The following PYY variants were observed in gnomAD, a reference collection of about 807,000 sequenced individuals.
PYY encodes peptide YY, also known as peptide tyrosine tyrosine.
A neutral mutation model predicts 10.3 loss-of-function variants in PYY; 12 were observed. The observed-to-expected ratio is 1.17, with a 90% CI of 0.75 to 1.89. PYY has a LOEUF of 1.89. Among genes scored for constraint, PYY ranks in the 40% most tolerant of loss-of-function variants. The pLI, the probability that PYY is intolerant of heterozygous loss-of-function variation, is 0.00. For synonymous variants in PYY, 66 were observed against 62.0 expected, an observed-to-expected ratio of 1.06 and a Z score of -0.30; for missense variants, 141 against 134.0, an observed-to-expected ratio of 1.05 and a Z score of -0.26.
chr17:43,977,209 G>A (rs2048855015), intron 1 of PYY, among the ~76,000 whole-genome samples: 1 of 152,168 alleles, frequency 6.6e-6, no homozygotes, highest in South Asian at 2.1e-4. Flanking sequence ...AGGCAGGGAT[G>A]GCAATTCATT....
chr17:43,972,009 A>G (rs1296856910), intron 1 of PYY, among the ~76,000 whole-genome samples: 1 of 151,678 alleles, frequency 6.6e-6, no homozygotes, highest in Non-Finnish European at 1.5e-5. Flanking sequence ...CTTTTGAGCT[A>G]ATTTTTGTAT....
chr17:43,995,551 G>T (rs967980819), intron 1 of PYY, among the ~76,000 whole-genome samples: 14 of 152,210 alleles, frequency 9.2e-5, no homozygotes, highest in South Asian at 6.2e-4. Flanking sequence ...AAATGCAGAC[G>T]GGCCGGGCAC....
chr17:43,984,675 T>C (rs2048904949), intron 1 of PYY, among the ~76,000 whole-genome samples: 1 of 152,152 alleles, frequency 6.6e-6, no homozygotes, highest in African/African-American at 2.4e-5. Flanking sequence ...CCCCACCTCC[T>C]CCTTTACAGG....
chr17:43,999,276 G>T (rs1459275870), intron 1 of PYY, among the ~76,000 whole-genome samples: 2 of 152,100 alleles, frequency 1.3e-5, no homozygotes, highest in South Asian at 2.1e-4. Context: ...TGGTAGGGGT[G>T]GGGGAGATGG....
intron 1 of PYY, among the ~76,000 whole-genome samples, chr17:43,985,217 T>C (rs1213381417): frequency 1.3e-5 from 2 of 152,096 alleles, no homozygotes; most frequent in Non-Finnish European, 2.9e-5. Flanking sequence ...ATTTTTTTAT[T>C]TATAAATACA....
rs2048640380 is a variant in PYY at position 43,952,852 on chromosome 17, A to G, written c.*104T>C. 7.5e-7 allele frequency: 1 copy of G among 1,331,020 alleles called. No individual in the cohort carries two copies. Among genetic ancestry groups the G allele is most frequent in the Admixed American group, 2.6e-5 (1 of 37,860 alleles). The allele number at this position is 1,331,020 out of a possible 1,614,324, so 82.5% of individuals were successfully genotyped here. On this transcript the variant is annotated 3_prime_UTR_variant, in exon 4 of 4. Coordinates refer to ENST00000692052, the MANE Select transcript of PYY (RefSeq NM_001394028.1). ...GGAGGGCCGCACCCGAACCCTGCCCAGACGCCGCCGTCGGGAGGCAGAATC... is the reference window on the plus strand; with the variant it reads ...GGAGGGCCGCACCCGAACCCTGCCCGGACGCCGCCGTCGGGAGGCAGAATC...
upstream of PYY, chr17:43,958,135 CAAAAAAAAAAA>C (rs10661189): frequency 4.2e-5 from 2 of 47,276 alleles, no homozygotes; most frequent in Non-Finnish European, 7.4e-5. Context: ...CTGAATACAC[CAAAAAAAAAAA>C]AAAAAAAAAA....
At chr17:43,966,686 A>G (rs2048757506) in intron 1 of PYY, among the ~76,000 whole-genome samples, 1 of 152,168 alleles carries the variant, frequency 6.6e-6, no homozygotes, top group Non-Finnish European at 1.5e-5. Context: ...AGCACTTAGC[A>G]CTTTCTAGCA....
chr17:44,003,687 A>G (rs1470180742), intron 1 of PYY, among the ~76,000 whole-genome samples: 2 of 150,338 alleles, frequency 1.3e-5, no homozygotes, highest in East Asian at 2.0e-4. Context: ...AAAAAAAAAA[A>G]AAAGGGTTAC....
At chr17:43,964,243 T>G (rs2700831) in intron 2 of PYY, among the ~76,000 whole-genome samples, 87,078 of 152,010 alleles carry the variant, frequency 0.57, 26,334 homozygotes, top group South Asian at 0.73. Flanking sequence ...CTGGTCTAAA[T>G]TTCTTGGGCT....
At chr17:43,977,433 C>G (rs905675769) in intron 1 of PYY, among the ~76,000 whole-genome samples, 4 of 152,124 alleles carry the variant, frequency 2.6e-5, no homozygotes, top group African/African-American at 9.7e-5. Context: ...CCAGGGGCCA[C>G]TCCTGGACGC....
rs528107925 is a variant in PYY at position 43,983,060 on chromosome 17, C to G, written c.-462-16528G>C. On this transcript the variant is annotated intron_variant, in intron 1 of 6. Transcript: ENST00000360085. Reference sequence around the variant, plus strand: ...CAGCCTGGCCAACATGGTGAAACCCCGTCTCTACTAAAAATATAAAAATGA... The same window carrying G: ...CAGCCTGGCCAACATGGTGAAACCCGGTCTCTACTAAAAATATAAAAATGA... 8.9e-4 allele frequency among the ~76,000 whole-genome samples: 135 copies of G among 152,028 alleles called. 1 individual carries two copies. The highest frequency in any genetic ancestry group is 1.5e-3 in the Non-Finnish European group (103 of 67,978).
chr17:44,000,185 T>G (rs2049016684), intron 1 of PYY, among the ~76,000 whole-genome samples: 1 of 152,090 alleles, frequency 6.6e-6, no homozygotes, highest in South Asian at 2.1e-4. Flanking sequence ...GCCCAGCTTG[T>G]AGTTGTAAAT....
chr17:43,970,691 G>A (rs1276073950), intron 1 of PYY, among the ~76,000 whole-genome samples: 1 of 152,180 alleles, frequency 6.6e-6, no homozygotes, highest in Non-Finnish European at 1.5e-5. Flanking sequence ...GACACAGAAG[G>A]ACTGTATCAC....
rs202022501 is a variant in PYY, at chr17:43,953,263, GC to G, written c.188+32del. The G allele has an allele frequency of 2.5e-3, 3,985 of 1,607,374 alleles. 78 individuals carry two copies. The African/African-American group carries it at 0.048, about 20-fold the overall frequency. ...GGTGGAGCGGGGCCGCAGGGTGAGA[GC>G]CCCAGGGGTCCCGCTCCGCGCCTGC... On this transcript the variant is annotated intron_variant, in intron 2 of 3. Coordinates refer to ENST00000692052, the MANE Select transcript of PYY (RefSeq NM_001394028.1).
At chr17:43,974,351 G>A (rs538326119) in intron 1 of PYY, among the ~76,000 whole-genome samples, 9 of 151,932 alleles carry the variant, frequency 5.9e-5, no homozygotes, top group South Asian at 2.1e-4. Context: ...GGAAGGGCAG[G>A]CAGTGGGGGA....
At chr17:43,970,741 C>T (rs1206155674) in intron 1 of PYY, among the ~76,000 whole-genome samples, 1 of 152,184 alleles carries the variant, frequency 6.6e-6, no homozygotes, top group African/African-American at 2.4e-5. Context: ...GTGGTCAGGC[C>T]TCTCAGCCCT....
chr17:43,998,726 G>C (rs907281398), intron 1 of PYY, among the ~76,000 whole-genome samples: 1 of 152,068 alleles, frequency 6.6e-6, no homozygotes, highest in Non-Finnish European at 1.5e-5. Flanking sequence ...GAGTCACTAC[G>C]CCCAGCTGAT....
chr17:43,990,697 G>T (rs1344273291), intron 1 of PYY, among the ~76,000 whole-genome samples: 2 of 151,324 alleles, frequency 1.3e-5, no homozygotes, highest in African/African-American at 2.4e-5. Context: ...CAGCATATTT[G>T]ATATAAAATT....
Sources: gnomAD v4.1 joint callset for allele counts (sites outside exome capture counted in the v4.1 genomes callset) on GRCh38, gnomAD v4.1.1 for gene constraint, MANE v1.5 for transcripts, NCBI Gene and HGNC (gene_info 2026-07-23, HGNC 2026-07-21) for gene names.